Variants in ZBTB46 observed in about 807,000 individuals in gnomAD.
ZBTB46 encodes the protein zinc finger and BTB domain containing 46.
A neutral mutation model predicts 44.1 loss-of-function variants in ZBTB46; 8 were observed. The ratio of observed to expected loss-of-function variants is 0.18; its 90% CI spans 0.11 to 0.33. The LOEUF (loss-of-function observed/expected upper bound fraction) is 0.33, where lower values mean the gene tolerates loss of function less well. Ranked by LOEUF, ZBTB46 falls within the 10% of genes least tolerant of loss-of-function variation. The pLI is 1.00. For synonymous variants in ZBTB46, 409 were observed against 382.3 expected (o/e 1.07, Z -0.81); for missense variants, 651 against 847.7 (o/e 0.77, Z 2.88).
In ZBTB46 at chr20:63,790,056, T is replaced by C; in HGVS notation, c.702A>G (p.Ser234=). 6.2e-7 allele frequency: 1 copy of C among 1,614,002 alleles called. No homozygotes were observed. Among genetic ancestry groups the C allele is most frequent in the Non-Finnish European group, 8.5e-7 (1 of 1,179,980 alleles). Residue 234 remains serine, a synonymous_variant, in exon 2 of 5, where the codon TCA becomes TCG. Coordinates refer to ENST00000245663, the MANE Select transcript of ZBTB46 (RefSeq NM_001369741.1). ...GCTCGCTCCCTCCGTACTGAGACGG[T>C]GAAACCTGCTCTTCCTTGATGCGCA... The part of the protein sequence containing the change: ...GPLRIKEEQV[S]PSQYGGSELP...
At chr20:63,808,976 CAAAAAAAAAAAAAAAAAAA>C (rs1157399042) in intron 1 of ZBTB46, among the ~76,000 whole-genome samples, 1 of 75,232 alleles carries the variant, frequency 1.3e-5, no homozygotes, top group African/African-American at 4.5e-5. Flanking sequence ...GACTCCGCTT[CAAAAAAAAAAAAAAAAAAA>C]AAAAGAAAAA....
chr20:63,760,465 G>GT (rs1460609112), intron 3 of ZBTB46, among the ~76,000 whole-genome samples: 1 of 150,480 alleles, frequency 6.6e-6, no homozygotes, highest in Admixed American at 6.6e-5. Context: ...TTATATCAGT[G>GT]TTTTTGTTTT....
chr20:63,775,985 C>T (rs1295830325), intron 2 of ZBTB46, 23 bp from the exon 3 acceptor site: 2 of 1,521,926 alleles, frequency 1.3e-6, no homozygotes, highest in African/African-American at 1.4e-5. Context: ...GGACACACGT[C>T]AGAAGACACG....
At chr20:63,829,283 C>T (rs1394222639) in intron 1 of ZBTB46, among the ~76,000 whole-genome samples, 1 of 152,216 alleles carries the variant, frequency 6.6e-6, no homozygotes, top group Non-Finnish European at 1.5e-5. Flanking sequence ...CACAGAACGA[C>T]TCATCCTCAC....
intron 1 of ZBTB46, chr20:63,808,107 G>A (rs2092693576): frequency 6.5e-6 from 1 of 152,948 alleles, no homozygotes; most frequent in Admixed American, 6.5e-5. Flanking sequence ...GAGGTGGCGT[G>A]GATGAGCAGC....
In ZBTB46 at chr20:63,752,587, G is replaced by A. The variant is rs2092179210; in HGVS notation, c.1398+99C>T. 2.2e-6 allele frequency: 3 copies of A among 1,349,594 alleles called. No homozygotes were observed. The African/African-American group carries it at 4.5e-5, about 20-fold the overall frequency. The allele number at this position is 1,349,594 out of a possible 1,614,324, so 83.6% of individuals were successfully genotyped here. A position where few individuals can be genotyped will look rare whatever the true frequency, so the allele number is the denominator to read the frequency against. ...GTCCCCCCTGTGCAGAGTGGACCCG[G>A]TGTGGGGTCCGGGGCGGTCTGCGCC... On this transcript the variant is annotated intron_variant, in intron 4 of 4. Transcript: ENST00000245663. The surrounding 1 kb of genome is among the most constrained non-coding windows in gnomAD (Gnocchi z 5.6).
upstream of ZBTB46, among the ~76,000 whole-genome samples, chr20:63,833,698 C>G (rs892127783): frequency 2.0e-5 from 3 of 152,218 alleles, no homozygotes. Context: ...TCCCCCTCGG[C>G]AACACTGCCA....
At position 63,743,933 on chromosome 20, in the gene ZBTB46, ATATAGAT is replaced by A. The variant is rs2145726736; in HGVS notation, c.*2990_*2996del. 1 of 152,790 alleles carries A rather than the reference ATATAGAT, an allele frequency of 6.5e-6. No individual in the cohort carries two copies. The highest frequency in any genetic ancestry group is 2.1e-4 in the South Asian group (1 of 4,828). 9.5% of individuals were successfully genotyped at this position (152,790 alleles called of 1,614,324 possible). A position where few individuals can be genotyped will look rare whatever the true frequency, so the allele number is the denominator to read the frequency against. Reference sequence around the variant, plus strand: ...TAATAAGTAATAGGAAGTCAATATAATATAGATTATCCCCAGAAAAAAATCAACAATC... The same window carrying A: ...TAATAAGTAATAGGAAGTCAATATAATATCCCCAGAAAAAAATCAACAATC... On this transcript the variant is annotated 3_prime_UTR_variant, in exon 5 of 5. Coordinates refer to ENST00000245663, the MANE Select transcript of ZBTB46 (RefSeq NM_001369741.1).
Position 63,744,247 on chromosome 20 carries a change from G to A in ZBTB46, c.*2683C>T, listed in dbSNP as rs1468343539. 3 of 152,104 alleles carry A rather than the reference G, an allele frequency of 2.0e-5. No homozygotes were observed. Among genetic ancestry groups the A allele is most frequent in the African/African-American group, 4.8e-5 (2 of 41,410 alleles). 9.4% of individuals were successfully genotyped at this position (152,104 alleles called of 1,614,324 possible). A position where few individuals can be genotyped will look rare whatever the true frequency, so the allele number is the denominator to read the frequency against. On this transcript the variant is annotated 3_prime_UTR_variant, in exon 5 of 5. Transcript: ENST00000245663. ...TGCATTTTCTCAGTTTTTTAAAGAG[G>A]AAGATGTGCAAAGTTGGAAGCAGTA...
At chr20:63,780,142 G>A (rs955963634) in intron 2 of ZBTB46, among the ~76,000 whole-genome samples, 5 of 151,692 alleles carry the variant, frequency 3.3e-5, no homozygotes, top group African/African-American at 7.3e-5. Context: ...ATGGCGGTGC[G>A]TGCTTGTAAT....
chr20:63,831,329 C>G (rs1214061205), upstream of ZBTB46: 1 of 139,986 alleles, frequency 7.1e-6, no homozygotes, highest in Non-Finnish European at 1.6e-5. Flanking sequence ...GCCCGCGGAC[C>G]CTGACCCCGC....
chr20:63,784,360 ATTGTCC>A (rs2092495476), intron 2 of ZBTB46, among the ~76,000 whole-genome samples: 1 of 152,184 alleles, frequency 6.6e-6, no homozygotes, highest in Non-Finnish European at 1.5e-5. Context: ...CCGAGAGGCC[ATTGTCC>A]CCCATCTGGA....
At chr20:63,750,356 C>T (rs188210283) in intron 4 of ZBTB46, among the ~76,000 whole-genome samples, 31 of 152,206 alleles carry the variant, frequency 2.0e-4, no homozygotes, top group African/African-American at 7.5e-4. Flanking sequence ...GGTGATCGTC[C>T]TGCCTCAGCC....
At chr20:63,816,073 TGGG>T (rs2092754523) in intron 1 of ZBTB46, among the ~76,000 whole-genome samples, 1 of 112,722 alleles carries the variant, frequency 8.9e-6, no homozygotes, top group Non-Finnish European at 2.0e-5. Flanking sequence ...GCAGGTGCAG[TGGG>T]CACAGGTGGG....
chr20:63,823,615 C>T (rs999513245), intron 1 of ZBTB46, among the ~76,000 whole-genome samples: 1 of 151,840 alleles, frequency 6.6e-6, no homozygotes, highest in Non-Finnish European at 1.5e-5. Context: ...GTGGGAGGAT[C>T]ACCTTAGCCC....
chr20:63,806,179 A>T (rs566974192), intron 1 of ZBTB46, among the ~76,000 whole-genome samples: 278 of 149,714 alleles, frequency 1.9e-3, no homozygotes, highest in African/African-American at 6.4e-3. Context: ...AGACGAGCGG[A>T]TCACCTGAGG....
intron 1 of ZBTB46, among the ~76,000 whole-genome samples, chr20:63,816,111 A>G (rs547436696): frequency 5.8e-5 from 8 of 138,626 alleles, no homozygotes; most frequent in South Asian, 2.4e-4. Flanking sequence ...GCGCAGGTGC[A>G]GTGGGCGCAG....
chr20:63,749,531 T>C (rs1476199167), intron 4 of ZBTB46, among the ~76,000 whole-genome samples: 1 of 151,770 alleles, frequency 6.6e-6, no homozygotes, highest in African/African-American at 2.4e-5. Flanking sequence ...AGAGACGGGG[T>C]TTCACCGTGT....
In ZBTB46 at chr20:63,744,981, T is replaced by C. The variant is rs1315581036; in HGVS notation, c.*1949A>G. The C allele has an allele frequency of 6.6e-6, 1 of 152,370 alleles. No individual in the cohort carries two copies. The highest frequency in any genetic ancestry group is 1.9e-4 in the East Asian group (1 of 5,340). The allele number at this position is 152,370 out of a possible 1,614,324, so 9.4% of individuals were successfully genotyped here. A position where few individuals can be genotyped will look rare whatever the true frequency, so the allele number is the denominator to read the frequency against. ...AATGCATTTTGTAAGAAAGTCAGTC[T>C]GTTTAGAAAAAGGGTTTAAAAATCA... On this transcript the variant is annotated 3_prime_UTR_variant, in exon 5 of 5. Coordinates refer to ENST00000245663, the MANE Select transcript of ZBTB46 (RefSeq NM_001369741.1).
Sources: allele counts gnomAD v4.1 joint callset (sites outside exome capture counted in the v4.1 genomes callset), GRCh38; gene constraint gnomAD v4.1.1; non-coding constraint Gnocchi (gnomAD v3.1); transcripts MANE v1.5; gene names NCBI Gene and HGNC (gene_info 2026-07-23, HGNC 2026-07-21).